DLEU7: variants seen among roughly 807,000 people sequenced by gnomAD.
DLEU7 encodes the protein deleted in lymphocytic leukemia 7.
Under a neutral mutation model 16.0 loss-of-function variants are expected in DLEU7, and 17 were observed. That is an observed-to-expected ratio of 1.06 (90% CI 0.73 to 1.59). DLEU7 has a LOEUF of 1.59. Among genes scored for constraint, DLEU7 ranks in the 40% most tolerant of loss-of-function variants. The pLI, the probability that DLEU7 is intolerant of heterozygous loss-of-function variation, is 0.00. For missense variants in DLEU7, 308 were observed against 314.9 expected (o/e 0.98, Z 0.17); for synonymous variants, 113 against 139.8 (o/e 0.81, Z 1.35).
chr13:50,830,365 A>C (rs1351763974), intron 1 of DLEU7, among the ~76,000 whole-genome samples: 1 of 152,232 alleles, frequency 6.6e-6, no homozygotes, highest in Non-Finnish European at 1.5e-5. Context: ...TGACTGGATA[A>C]AAGGCAATAA....
intron 1 of DLEU7, among the ~76,000 whole-genome samples, chr13:50,762,605 G>A (rs951861531): frequency 1.3e-5 from 2 of 152,128 alleles, no homozygotes; most frequent in African/African-American, 2.4e-5. Context: ...TTTTATGGGT[G>A]TCAACACATT....
chr13:50,804,504 C>T (rs1876336271), intron 1 of DLEU7, among the ~76,000 whole-genome samples: 1 of 151,430 alleles, frequency 6.6e-6, no homozygotes, highest in South Asian at 2.1e-4. Context: ...AGTGCAGTGG[C>T]ATGATCTCAG....
chr13:50,801,115 GA>G (rs1171676937), intron 1 of DLEU7, among the ~76,000 whole-genome samples: 1 of 152,112 alleles, frequency 6.6e-6, no homozygotes, highest in African/African-American at 2.4e-5. Flanking sequence ...TTACTCTTGG[GA>G]AGCAACTTTA....
At chr13:50,764,645 G>T (rs934537439) in intron 1 of DLEU7, among the ~76,000 whole-genome samples, 13 of 152,176 alleles carry the variant, frequency 8.5e-5, no homozygotes, top group African/African-American at 2.9e-4. Context: ...ATTCATAGAA[G>T]ACTGAACAAA....
At chr13:50,788,521 A>G (rs1593395906) in intron 1 of DLEU7, among the ~76,000 whole-genome samples, 5 of 152,220 alleles carry the variant, frequency 3.3e-5, no homozygotes, top group Non-Finnish European at 1.5e-5. Context: ...CTGAGCCTCC[A>G]TCAATGGCTG....
chr13:50,720,749 G>A (rs949121326), intron 1 of DLEU7, among the ~76,000 whole-genome samples: 1 of 152,048 alleles, frequency 6.6e-6, no homozygotes, highest in African/African-American at 2.4e-5. Context: ...AACTTTTTAA[G>A]ATGAAGAAAA....
intron 1 of DLEU7, among the ~76,000 whole-genome samples, chr13:50,721,016 A>G (rs1873590694): frequency 6.6e-6 from 1 of 152,228 alleles, no homozygotes; most frequent in Non-Finnish European, 1.5e-5. Context: ...GGAGATTAAC[A>G]TCTGAGTCAG....
chr13:50,734,960 A>G (rs991941892), intron 1 of DLEU7, among the ~76,000 whole-genome samples: 4 of 152,198 alleles, frequency 2.6e-5, no homozygotes, highest in African/African-American at 9.6e-5. Flanking sequence ...ATAGAAGGAT[A>G]CATACCATGC....
At chr13:50,775,041 A>G (rs996652966) in intron 1 of DLEU7, among the ~76,000 whole-genome samples, 1 of 151,964 alleles carries the variant, frequency 6.6e-6, no homozygotes, top group African/African-American at 2.4e-5. Context: ...TAACTATATT[A>G]ATTTTTGTCA....
At chr13:50,799,628 C>T (rs959904651) in intron 1 of DLEU7, among the ~76,000 whole-genome samples, 1 of 152,278 alleles carries the variant, frequency 6.6e-6, no homozygotes, top group Non-Finnish European at 1.5e-5. Flanking sequence ...TAGCAGGTCT[C>T]GGGCACATGC....
Position 50,780,558 on chromosome 13 carries a change from A to G in DLEU7, c.459+62630T>C, listed in dbSNP as rs192517508. The stretch of plus-strand genomic sequence containing the variant: ...TTAACAATTACTACGTTTCTGGAGA[A>G]ATATATGTGCTCTTTGCCTCTGTGA... On this transcript the variant is annotated intron_variant, in intron 1 of 1. Transcript: ENST00000400393. Among the ~76,000 whole-genome samples, 15 of 152,316 alleles carry G rather than the reference A, an allele frequency of 9.8e-5. No homozygotes were observed. In the East Asian group the frequency reaches 2.9e-3, roughly 29 times the overall value.
intron 1 of DLEU7, among the ~76,000 whole-genome samples, chr13:50,816,893 G>A (rs192528373): frequency 4.6e-5 from 7 of 151,702 alleles, no homozygotes; most frequent in Admixed American, 3.3e-4. Context: ...CACTACCCCC[G>A]CCACACACAC....
intron 1 of DLEU7, among the ~76,000 whole-genome samples, chr13:50,759,413 T>C (rs1874859088): frequency 6.6e-6 from 1 of 152,214 alleles, no homozygotes; most frequent in Admixed American, 6.5e-5. Context: ...TTTGATTCCA[T>C]GTGTGTAAAC....
intron 1 of DLEU7, among the ~76,000 whole-genome samples, chr13:50,799,653 G>C (rs1430062276): frequency 6.6e-6 from 1 of 152,138 alleles, no homozygotes; most frequent in Non-Finnish European, 1.5e-5. Context: ...ACTTAGTGGG[G>C]CTGCCTTAAA....
intron 1 of DLEU7, among the ~76,000 whole-genome samples, chr13:50,734,558 A>T (rs1451217528): frequency 6.6e-6 from 1 of 152,176 alleles, no homozygotes; most frequent in Non-Finnish European, 1.5e-5. Context: ...TCAAATTGTG[A>T]TCATTTAGAG....
intron 1 of DLEU7, among the ~76,000 whole-genome samples, chr13:50,727,991 A>G (rs990261959): frequency 1.3e-5 from 2 of 152,166 alleles, no homozygotes; most frequent in Admixed American, 6.5e-5. Context: ...GTGGTGCCTG[A>G]GAGTTTGCAT....
chr13:50,770,554 A>G (rs888609936), intron 1 of DLEU7, among the ~76,000 whole-genome samples: 1 of 152,020 alleles, frequency 6.6e-6, no homozygotes, highest in East Asian at 1.9e-4. Flanking sequence ...CTTTGGTTCT[A>G]TTTATGTCAT....
chr13:50,799,345 G>A (rs1876187446), intron 1 of DLEU7, among the ~76,000 whole-genome samples: 1 of 152,144 alleles, frequency 6.6e-6, no homozygotes, highest in African/African-American at 2.4e-5. Flanking sequence ...TTGTTCCTAT[G>A]TGGATTTCTT....
At chr13:50,787,699 C>A (rs1875826130) in intron 1 of DLEU7, among the ~76,000 whole-genome samples, 1 of 151,970 alleles carries the variant, frequency 6.6e-6, no homozygotes, top group Non-Finnish European at 1.5e-5. Flanking sequence ...CCAATCATGT[C>A]ATTCCCCTGC....
Sources: gnomAD v4.1 joint callset for allele counts (sites outside exome capture counted in the v4.1 genomes callset) on GRCh38, gnomAD v4.1.1 for gene constraint, MANE v1.5 for transcripts, NCBI Gene and HGNC (gene_info 2026-07-23, HGNC 2026-07-21) for gene names.